FHOD3: variants seen among roughly 807,000 people sequenced by gnomAD.
FHOD3 encodes the protein FH1/FH2 domain-containing protein 3.
A neutral mutation model predicts 173.0 loss-of-function variants in FHOD3; 90 were observed. That is an observed-to-expected ratio of 0.52 (90% CI 0.44 to 0.62). The LOEUF is 0.62. Ranked by LOEUF, FHOD3 falls within the 20% of genes least tolerant of loss-of-function variation. The pLI is 0.00. For synonymous variants in FHOD3, 828 were observed against 823.0 expected, an observed-to-expected ratio of 1.01 and a Z score of -0.10; for missense variants, 1,945 against 2,034.7, an observed-to-expected ratio of 0.96 and a Z score of 0.85.
At chr18:36,652,247 G>A (rs762934732) in intron 11 of FHOD3, among the ~76,000 whole-genome samples, 1 of 152,212 alleles carries the variant, frequency 6.6e-6, no homozygotes, top group Admixed American at 6.5e-5. Flanking sequence ...GGGAGGTGCC[G>A]GGTGCAGAAG....
At chr18:36,418,555 A>G (rs1044985190) in intron 3 of FHOD3, among the ~76,000 whole-genome samples, 1 of 152,198 alleles carries the variant, frequency 6.6e-6, no homozygotes, top group Admixed American at 6.5e-5. Flanking sequence ...GGCACATGGC[A>G]AAACGTTGAC....
At chr18:36,610,398 C>T (rs966397685) in intron 8 of FHOD3, among the ~76,000 whole-genome samples, 1 of 152,198 alleles carries the variant, frequency 6.6e-6, no homozygotes, top group Non-Finnish European at 1.5e-5. Flanking sequence ...GCCCTGATGA[C>T]CGTTATTGCC....
At chr18:36,307,775 C>G (rs138841251) in intron 1 of FHOD3, among the ~76,000 whole-genome samples, 61 of 152,308 alleles carry the variant, frequency 4.0e-4, no homozygotes, top group African/African-American at 1.4e-3. Flanking sequence ...CCTTATACAA[C>G]AAAGCATCTG....
chr18:36,661,781 T>TCAAGGATA (rs2036823646), intron 14 of FHOD3, among the ~76,000 whole-genome samples: 1 of 152,194 alleles, frequency 6.6e-6, no homozygotes, highest in African/African-American at 2.4e-5. Context: ...GAAAATTAAG[T>TCAAGGATA]CAAGGATATT....
At chr18:36,310,812 A>G (rs960461555) in intron 1 of FHOD3, among the ~76,000 whole-genome samples, 1 of 151,962 alleles carries the variant, frequency 6.6e-6, no homozygotes, top group African/African-American at 2.4e-5. Flanking sequence ...AAGGGAGGTA[A>G]AGGGCACCTG....
intron 10 of FHOD3, among the ~76,000 whole-genome samples, chr18:36,646,225 C>T (rs1459431811): frequency 6.6e-6 from 1 of 151,406 alleles, no homozygotes; most frequent in African/African-American, 2.4e-5. Flanking sequence ...GCAAAATTTA[C>T]AAAAAGTTTA....
chr18:36,760,571 G>C, intron 26 of FHOD3, 37 bp from the exon 27 acceptor site: 1 of 1,488,958 alleles, frequency 6.7e-7, no homozygotes, highest in East Asian at 2.5e-5. Context: ...TTTTTGGGGA[G>C]TCTCCCTCAC....
At position 36,330,928 on chromosome 18, in the gene FHOD3, T is replaced by G. The variant is rs570561695; in HGVS notation, c.166-24611T>G. On this transcript the variant is annotated intron_variant, in intron 1 of 28. Coordinates refer to ENST00000590592, the MANE Select transcript of FHOD3 (RefSeq NM_001281740.3). ...GGACCTCTGTGGCCCAGAGTGAGCA[T>G]GCTCATTTGGGAGCTGGCCTGCCCT... 4.6e-5 allele frequency among the ~76,000 whole-genome samples: 7 copies of G among 152,296 alleles called. No individual in the cohort carries two copies. In the East Asian group the frequency reaches 1.4e-3, roughly 29 times the overall value.
chr18:36,431,276 T>C (rs1215795658), intron 3 of FHOD3, among the ~76,000 whole-genome samples: 3 of 152,212 alleles, frequency 2.0e-5, no homozygotes, highest in Non-Finnish European at 2.9e-5. Flanking sequence ...TAAAGGGACA[T>C]GGAGTGCCCA....
chr18:36,646,821 G>C (rs905693551), intron 10 of FHOD3, among the ~76,000 whole-genome samples: 5 of 152,018 alleles, frequency 3.3e-5, no homozygotes, highest in Admixed American at 1.3e-4. Flanking sequence ...AGCCATCAAA[G>C]GTAAACAGGA....
chr18:36,730,558 A>G, intron 19 of FHOD3, 88 bp from the exon 20 acceptor site: 2 of 1,342,086 alleles, frequency 1.5e-6, no homozygotes, highest in Non-Finnish European at 2.1e-6. Context: ...TTTCATCTCT[A>G]AATAAGTAGT....
chr18:36,527,561 G>C (rs1025414548), intron 5 of FHOD3, among the ~76,000 whole-genome samples: 1 of 152,198 alleles, frequency 6.6e-6, no homozygotes, highest in African/African-American at 2.4e-5. Context: ...GTGACAGCAG[G>C]TGTGGTGGGC....
chr18:36,387,749 C>T (rs975103007), intron 3 of FHOD3, among the ~76,000 whole-genome samples: 2 of 152,150 alleles, frequency 1.3e-5, no homozygotes, highest in Non-Finnish European at 2.9e-5. Context: ...GCTCCTCCAC[C>T]CCGCATTGGC....
chr18:36,429,148 AG>A (rs1181763509), intron 3 of FHOD3, among the ~76,000 whole-genome samples: 1 of 152,192 alleles, frequency 6.6e-6, no homozygotes, highest in Non-Finnish European at 1.5e-5. Flanking sequence ...CCCTGCCACC[AG>A]GAAGTCTGGC....
chr18:36,561,590 A>G (rs1457376450), intron 5 of FHOD3, among the ~76,000 whole-genome samples: 2 of 152,160 alleles, frequency 1.3e-5, no homozygotes, highest in Non-Finnish European at 2.9e-5. Context: ...CACGTTAACC[A>G]TTTTTGTACA....
At chr18:36,332,984 T>G (rs796332883) in intron 1 of FHOD3, among the ~76,000 whole-genome samples, 16 of 152,328 alleles carry the variant, frequency 1.1e-4, no homozygotes, top group African/African-American at 3.8e-4. Context: ...ACTCTTCTGT[T>G]TACTTGTGTG....
At chr18:36,645,344 C>A (rs1158296245) in intron 10 of FHOD3, among the ~76,000 whole-genome samples, 2 of 152,100 alleles carry the variant, frequency 1.3e-5, no homozygotes. Flanking sequence ...CACTTGAACT[C>A]AGGAATCAGA....
At chr18:36,527,043 T>C (rs546384711) in intron 5 of FHOD3, among the ~76,000 whole-genome samples, 4 of 152,286 alleles carry the variant, frequency 2.6e-5, no homozygotes, top group South Asian at 4.1e-4. Flanking sequence ...CCCACCTTCT[T>C]GGACAAGCAG....
intron 14 of FHOD3, among the ~76,000 whole-genome samples, chr18:36,667,567 CA>C (rs1568576376): frequency 6.6e-6 from 1 of 152,078 alleles, no homozygotes; most frequent in African/African-American, 2.4e-5. Context: ...ATACTGTAGG[CA>C]GTTGTAACAC....
Sources: allele counts gnomAD v4.1 joint callset (sites outside exome capture counted in the v4.1 genomes callset), GRCh38; gene constraint gnomAD v4.1.1; transcripts MANE v1.5; gene names NCBI Gene and HGNC (gene_info 2026-07-23, HGNC 2026-07-21).